Variants in FOXN3 observed in about 807,000 individuals in gnomAD.
FOXN3 encodes the protein forkhead box N3, also known as forkhead box protein N3.
A neutral mutation model predicts 38.4 loss-of-function variants in FOXN3; 7 were observed. That is an observed-to-expected ratio of 0.18 (90% confidence interval 0.10 to 0.34). The LOEUF (loss-of-function observed/expected upper bound fraction) is 0.34, where lower values mean the gene tolerates loss of function less well. FOXN3 is among the 10% of genes least tolerant of loss of function. The pLI is 1.00. For synonymous variants in FOXN3, 230 were observed against 242.2 expected, an observed-to-expected ratio of 0.95 and a Z score of 0.47; for missense variants, 456 against 613.4, an observed-to-expected ratio of 0.74 and a Z score of 2.71.
At chr14:89,461,312 A>G (rs1892843265) in intron 1 of FOXN3, among the ~76,000 whole-genome samples, 10 of 151,620 alleles carry the variant, frequency 6.6e-5, no homozygotes, top group Non-Finnish European at 1.3e-4. Flanking sequence ...ACTCCAGGCC[A>G]GGCGACAGAG....
intron 5 of FOXN3, among the ~76,000 whole-genome samples, chr14:89,178,208 G>A (rs1440976446): frequency 2.7e-5 from 4 of 149,574 alleles, no homozygotes; most frequent in African/African-American, 7.4e-5. Context: ...ATAAGTTTTC[G>A]CCATGTTGCC....
intron 4 of FOXN3, among the ~76,000 whole-genome samples, chr14:89,245,248 G>C (rs532449328): frequency 5.9e-5 from 9 of 152,216 alleles, no homozygotes; most frequent in Admixed American, 3.3e-4. Context: ...AAGATACGCA[G>C]GTGGGTCATT....
chr14:89,251,268 G>A (rs1487560819), intron 4 of FOXN3, among the ~76,000 whole-genome samples: 1 of 152,120 alleles, frequency 6.6e-6, no homozygotes. Flanking sequence ...ACCCATGCAA[G>A]TACTGTCCCG....
At chr14:89,568,964 G>A (rs576194305) in intron 1 of FOXN3, among the ~76,000 whole-genome samples, 1 of 152,318 alleles carries the variant, frequency 6.6e-6, no homozygotes, top group Non-Finnish European at 1.5e-5. Flanking sequence ...CAGCACTTTG[G>A]GAGGCCAAGG....
intron 1 of FOXN3, among the ~76,000 whole-genome samples, chr14:89,528,893 G>C (rs1252103391): frequency 2.0e-5 from 3 of 152,118 alleles, no homozygotes; most frequent in Non-Finnish European, 2.9e-5. Context: ...ATGACAAATG[G>C]GAAGGAAGCA....
chr14:89,226,488 C>A (rs1435146068), intron 4 of FOXN3, among the ~76,000 whole-genome samples: 2 of 152,170 alleles, frequency 1.3e-5, no homozygotes, highest in Non-Finnish European at 2.9e-5. Context: ...GTTACCCAGG[C>A]TGGTCTCGAA....
chr14:89,465,400 T>C (rs1466016842), intron 1 of FOXN3, among the ~76,000 whole-genome samples: 3 of 152,202 alleles, frequency 2.0e-5, no homozygotes, highest in Non-Finnish European at 4.4e-5. Flanking sequence ...CAGCTAATTT[T>C]TGTATTTTTA....
chr14:89,168,928 G>A (rs1887314347), intron 5 of FOXN3, among the ~76,000 whole-genome samples: 1 of 152,116 alleles, frequency 6.6e-6, no homozygotes, highest in Non-Finnish European at 1.5e-5. Flanking sequence ...GAAGAAAGTG[G>A]AACAATATTC....
chr14:89,326,689 A>T (rs1888090966), intron 3 of FOXN3, among the ~76,000 whole-genome samples: 2 of 152,240 alleles, frequency 1.3e-5, no homozygotes. Context: ...GGCCAGAAAT[A>T]GTAAACATTG....
intron 1 of FOXN3, among the ~76,000 whole-genome samples, chr14:89,613,738 G>T (rs1896440440): frequency 6.6e-6 from 1 of 152,186 alleles, no homozygotes; most frequent in South Asian, 2.1e-4. Context: ...CACAATGAAA[G>T]TAACAGGAGA....
intron 4 of FOXN3, among the ~76,000 whole-genome samples, chr14:89,266,833 T>A (rs1270966141): frequency 1.3e-5 from 2 of 152,106 alleles, no homozygotes; most frequent in African/African-American, 2.4e-5. Flanking sequence ...CACTTCTCCA[T>A]CACAATGTCA....
At chr14:89,546,782 T>C (rs1404690281) in intron 1 of FOXN3, among the ~76,000 whole-genome samples, 6 of 151,980 alleles carry the variant, frequency 3.9e-5, no homozygotes, top group South Asian at 4.1e-4. Context: ...CACATATACA[T>C]AGGCAAACAT....
chr14:89,282,488 G>C (rs116432357), intron 3 of FOXN3, among the ~76,000 whole-genome samples: 10 of 152,058 alleles, frequency 6.6e-5, no homozygotes, highest in African/African-American at 2.2e-4. Context: ...TTACTGTTTC[G>C]GGGCACTTAA....
At chr14:89,546,323 C>CTTTTCCT (rs1566694398) in intron 1 of FOXN3, among the ~76,000 whole-genome samples, 2 of 45,978 alleles carry the variant, frequency 4.3e-5, no homozygotes, top group African/African-American at 2.1e-4. Flanking sequence ...TTCTTTTTTC[C>CTTTTCCT]TTTTTCTTTT....
intron 4 of FOXN3, among the ~76,000 whole-genome samples, chr14:89,253,721 T>TC (rs1885532948): frequency 6.6e-6 from 1 of 152,116 alleles, no homozygotes; most frequent in Non-Finnish European, 1.5e-5. Flanking sequence ...CTCCTCCTCC[T>TC]CCTCCCTCTC....
intron 1 of FOXN3, among the ~76,000 whole-genome samples, chr14:89,480,177 C>A (rs1235207544): frequency 6.6e-6 from 1 of 152,032 alleles, no homozygotes; most frequent in African/African-American, 2.4e-5. Flanking sequence ...AAGAGGCGGG[C>A]GGATCATGAG....
At chr14:89,279,946 C>A (rs1886408999) in intron 4 of FOXN3, among the ~76,000 whole-genome samples, 1 of 152,210 alleles carries the variant, frequency 6.6e-6, no homozygotes, top group African/African-American at 2.4e-5. Context: ...CTCCTTCACA[C>A]ACAGGGCCGG....
intron 4 of FOXN3, among the ~76,000 whole-genome samples, chr14:89,239,360 C>G (rs1885075326): frequency 6.6e-6 from 1 of 152,174 alleles, no homozygotes; most frequent in Non-Finnish European, 1.5e-5. Context: ...TTTTCTGTCC[C>G]TCAGATTTCT....
intron 3 of FOXN3, among the ~76,000 whole-genome samples, chr14:89,321,457 T>C (rs191220665): frequency 9.0e-4 from 137 of 151,980 alleles, no homozygotes; most frequent in African/African-American, 3.1e-3. Context: ...GCGCTTGTAA[T>C]CCCAGCTACT....
Sources: allele counts gnomAD v4.1 joint callset (sites outside exome capture counted in the v4.1 genomes callset), GRCh38; gene constraint gnomAD v4.1.1; transcripts MANE v1.5; gene names NCBI Gene and HGNC (gene_info 2026-07-23, HGNC 2026-07-21).